The following RABEP1 variants were observed in gnomAD, a reference collection of about 807,000 sequenced individuals.
RABEP1 encodes rabaptin, RAB GTPase binding effector protein 1, also known as rab GTPase-binding effector protein 1.
In RABEP1, 51 loss-of-function variants were observed where a neutral mutation model predicts 123.4. That is an observed-to-expected ratio of 0.41 (90% CI 0.33 to 0.52). The LOEUF (loss-of-function observed/expected upper bound fraction) is 0.52, where lower values mean the gene tolerates loss of function less well. Ranked by LOEUF, RABEP1 falls within the 20% of genes least tolerant of loss-of-function variation. The pLI, the probability that RABEP1 is intolerant of heterozygous loss-of-function variation, is 0.16. For missense variants in RABEP1, 888 were observed against 996.3 expected, an observed-to-expected ratio of 0.89 and a Z score of 1.46; for synonymous variants, 347 against 355.2, an observed-to-expected ratio of 0.98 and a Z score of 0.26.
intron 16 of RABEP1, 53 bp downstream of exon 16, chr17:5,380,515 A>ATGTGATCCTGCAT: frequency 7.4e-7 from 1 of 1,359,678 alleles, no homozygotes; most frequent in Non-Finnish European, 1.0e-6. Context: ...AGAATGCAGG[A>ATGTGATCCTGCAT]TCACATCTTG....
intron 1 of RABEP1, among the ~76,000 whole-genome samples, chr17:5,308,249 A>T (rs2075199615): frequency 6.9e-6 from 1 of 144,434 alleles, no homozygotes. Context: ...TTTTTGAGAC[A>T]GAGTCTCACT....
intron 15 of RABEP1, among the ~76,000 whole-genome samples, chr17:5,379,837 C>T (rs1005515640): frequency 2.6e-5 from 4 of 152,140 alleles, no homozygotes; most frequent in African/African-American, 9.7e-5. Flanking sequence ...AGGATCAAGT[C>T]CATATCCTTA....
In RABEP1 at chr17:5,374,243, T is replaced by C. The variant is rs141361287; in HGVS notation, c.2025+789T>C. Among the ~76,000 whole-genome samples the C allele has an allele frequency of 2.1e-3, 317 of 148,746 alleles. 2 individuals carry two copies. Among genetic ancestry groups the C allele is most frequent in the African/African-American group, 7.4e-3 (295 of 40,094 alleles). Reference sequence around the variant, plus strand: ...CACCATGCCCAGCTAATTTTTTGCATTTATAGTATAGATGGGGTTTCACCA... The same window carrying C: ...CACCATGCCCAGCTAATTTTTTGCACTTATAGTATAGATGGGGTTTCACCA... On this transcript the variant is annotated intron_variant, in intron 13 of 17. Coordinates refer to ENST00000537505, the MANE Select transcript of RABEP1 (RefSeq NM_004703.6).
intron 1 of RABEP1, among the ~76,000 whole-genome samples, chr17:5,294,085 A>G (rs143224663): frequency 1.2e-3 from 180 of 152,338 alleles, no homozygotes; most frequent in African/African-American, 3.9e-3. Context: ...TTTGGTATAC[A>G]GTTAGCCCTC....
chr17:5,323,819 A>AATAT (rs200561684), intron 2 of RABEP1, among the ~76,000 whole-genome samples: 8,447 of 70,870 alleles, frequency 0.12, 2,485 homozygotes, highest in East Asian at 0.64. Context: ...TATATCTAGG[A>AATAT]ATATATATAT....
intron 11 of RABEP1, 86 bp downstream of exon 11, chr17:5,365,324 T>A (rs773234536): frequency 9.9e-5 from 94 of 950,646 alleles, no homozygotes; most frequent in Non-Finnish European, 1.1e-4. Context: ...CATGTTTTTT[T>A]TTGCCTTGAA....
At chr17:5,333,320 G>A (rs1020918075) in intron 3 of RABEP1, among the ~76,000 whole-genome samples, 43 of 151,852 alleles carry the variant, frequency 2.8e-4, no homozygotes, top group African/African-American at 9.2e-4. Flanking sequence ...CCGCCACCAC[G>A]CCCGGCTAAT....
intron 1 of RABEP1, among the ~76,000 whole-genome samples, chr17:5,283,202 G>A (rs1430867322): frequency 1.3e-5 from 2 of 151,872 alleles, no homozygotes; most frequent in African/African-American, 4.8e-5. Context: ...ACACGAATGT[G>A]TATATACAAT....
intron 11 of RABEP1, among the ~76,000 whole-genome samples, chr17:5,367,059 C>A (rs376578376): frequency 9.3e-5 from 14 of 150,674 alleles, no homozygotes; most frequent in Admixed American, 2.6e-4. Flanking sequence ...ATTGCACTCC[C>A]GCCTGGGCAA....
At chr17:5,338,661 C>T (rs1432729515) in intron 5 of RABEP1, among the ~76,000 whole-genome samples, 1 of 152,188 alleles carries the variant, frequency 6.6e-6, no homozygotes, top group Non-Finnish European at 1.5e-5. Flanking sequence ...GATGTTTTAT[C>T]ACAAGTGGCT....
At chr17:5,305,565 AAGGT>A (rs1436096332) in intron 1 of RABEP1, among the ~76,000 whole-genome samples, 2 of 152,124 alleles carry the variant, frequency 1.3e-5, no homozygotes, top group Non-Finnish European at 2.9e-5. Context: ...ATTTTGGTAG[AAGGT>A]AGGGATAGGA....
At chr17:5,369,388 G>GATTCT (rs1910349421) in intron 12 of RABEP1, among the ~76,000 whole-genome samples, 4 of 152,150 alleles carry the variant, frequency 2.6e-5, no homozygotes, top group African/African-American at 9.7e-5. Flanking sequence ...CTGCTGGGGT[G>GATTCT]ATTCTACAAG....
intron 8 of RABEP1, among the ~76,000 whole-genome samples, chr17:5,357,167 T>C (rs1205025254): frequency 6.6e-6 from 1 of 152,022 alleles, no homozygotes; most frequent in African/African-American, 2.4e-5. Context: ...TGAGCCACCA[T>C]GCCTGGCTCT....
chr17:5,335,139 T>C (rs2144608635), intron 3 of RABEP1, 45 bp from the exon 4 acceptor site: 1 of 1,491,880 alleles, frequency 6.7e-7, no homozygotes, highest in East Asian at 2.3e-5. Flanking sequence ...AGGTTATTTT[T>C]TTTTCATAAT....
At chr17:5,288,595 A>G (rs35855711) in intron 1 of RABEP1, among the ~76,000 whole-genome samples, 1 of 152,080 alleles carries the variant, frequency 6.6e-6, no homozygotes, top group African/African-American at 2.4e-5. Flanking sequence ...AGGTTTCGCC[A>G]TGTTCGTCAG....
At chr17:5,353,512 A>G (rs948187508) in intron 7 of RABEP1, among the ~76,000 whole-genome samples, 1 of 152,136 alleles carries the variant, frequency 6.6e-6, no homozygotes, top group Non-Finnish European at 1.5e-5. Flanking sequence ...TTTTGTATTC[A>G]TATACATTTG....
Position 5,383,350 on chromosome 17 carries a change from T to TTA in RABEP1, c.*128_*129dup. The TTA allele has an allele frequency of 1.3e-6, 1 of 776,740 alleles. No individual in the cohort carries two copies. Among genetic ancestry groups the TTA allele is most frequent in the Non-Finnish European group, 2.1e-6 (1 of 469,914 alleles). 48.1% of individuals were successfully genotyped at this position (776,740 alleles called of 1,614,324 possible). ...AACAAAAGGAAGACTGGAGAAATGC[T>TTA]TACTTCTAGAGGGAGAAGACTGTGC... On this transcript the variant is annotated 3_prime_UTR_variant, in exon 18 of 18. Transcript: ENST00000537505.
At chr17:5,317,626 GATATAT>G (rs56165368) in intron 2 of RABEP1, among the ~76,000 whole-genome samples, 105,763 of 149,524 alleles carry the variant, frequency 0.71, 37,983 homozygotes, top group Non-Finnish European at 0.76. Flanking sequence ...TACTGGAAAG[GATATAT>G]ATATATATAT....
chr17:5,282,448 C>G lies in RABEP1; in HGVS notation c.-39C>G. 21 of 1,335,216 alleles carry G rather than the reference C, an allele frequency of 1.6e-5. No homozygotes were observed. Among genetic ancestry groups the G allele is most frequent in the Non-Finnish European group, 2.0e-5 (21 of 1,028,864 alleles). The allele number at this position is 1,335,216 out of a possible 1,614,324, so 82.7% of individuals were successfully genotyped here. On this transcript the variant is annotated 5_prime_UTR_variant, in exon 1 of 18. Coordinates refer to ENST00000537505, the MANE Select transcript of RABEP1 (RefSeq NM_004703.6). ...CCCGCGGGAGCCCAGGACGCCGCTT[C>G]CCCGCCCATCCCCGCTCCCCGAGGC... is the stretch of plus-strand genomic sequence containing the variant.
Sources: allele counts gnomAD v4.1 joint callset (sites outside exome capture counted in the v4.1 genomes callset), GRCh38; gene constraint gnomAD v4.1.1; transcripts MANE v1.5; gene names NCBI Gene and HGNC (gene_info 2026-07-23, HGNC 2026-07-21).